The following SMG9 variants were observed in gnomAD, a reference collection of about 807,000 sequenced individuals.
SMG9 encodes the protein SMG9 nonsense mediated mRNA decay factor.
Under a neutral mutation model 64.0 loss-of-function variants are expected in SMG9, and 55 were observed. The ratio of observed to expected loss-of-function variants is 0.86; its 90% confidence interval spans 0.69 to 1.08. SMG9 has a LOEUF of 1.08. Ranked by LOEUF, SMG9 falls within the 50% of genes least tolerant of loss-of-function variation. SMG9 has a pLI of 0.00. For synonymous variants in SMG9, 244 were observed against 254.8 expected (o/e 0.96, Z 0.41); for missense variants, 554 against 681.3 (o/e 0.81, Z 2.08).
chr19:43,740,302 C>A, intron 6 of SMG9, 84 bp from the exon 7 acceptor site: 1 of 1,006,816 alleles, frequency 9.9e-7, no homozygotes, highest in Non-Finnish European at 1.6e-6. Flanking sequence ...GTGAGCTGAG[C>A]ATGTGAGCCG....
rs182402549 is a variant in SMG9, at chr19:43,749,478, C to T, written c.150+1114G>A. ...TCAAGGATTAAACCTGAAGGTGTGG[C>T]GGGATAACATTCCCCAGGAGGGCAT... On this transcript the variant is annotated intron_variant, in intron 2 of 13. Transcript: ENST00000270066. Among the ~76,000 whole-genome samples, 9 of 152,198 alleles carry T rather than the reference C, an allele frequency of 5.9e-5. No homozygotes were observed. In the East Asian group the frequency reaches 1.2e-3, roughly 20 times the overall value.
intron 9 of SMG9, among the ~76,000 whole-genome samples, chr19:43,736,465 G>A (rs1968669491): frequency 6.6e-6 from 1 of 152,158 alleles, no homozygotes; most frequent in Admixed American, 6.5e-5. Context: ...AGCCCTTGTG[G>A]CCATAGGTTC....
At chr19:43,745,510 C>CTGAA (rs1968971729) in intron 5 of SMG9, among the ~76,000 whole-genome samples, 2 of 152,214 alleles carry the variant, frequency 1.3e-5, no homozygotes, top group South Asian at 4.1e-4. Flanking sequence ...CAGCTACGTT[C>CTGAA]TGAACTGTGG....
intron 5 of SMG9, among the ~76,000 whole-genome samples, chr19:43,746,743 G>A (rs1969022774): frequency 6.6e-6 from 1 of 151,816 alleles, no homozygotes. Context: ...AGCAGGGGGT[G>A]GTGGGATGGA....
Position 43,729,467 on chromosome 19 carries a change from G to A in SMG9, c.*2129C>T, listed in dbSNP as rs569384659. 22 of 152,434 alleles carry A rather than the reference G, an allele frequency of 1.4e-4. No individual in the cohort carries two copies. Among genetic ancestry groups the A allele is most frequent in the Admixed American group, 1.2e-3 (19 of 15,294 alleles). The allele number at this position is 152,434 out of a possible 1,614,324, so 9.4% of individuals were successfully genotyped here. A position where few individuals can be genotyped will look rare whatever the true frequency, so the allele number is the denominator to read the frequency against. Reference sequence around the variant, plus strand: ...CAGCAGGAGGTGGTAGGTTAGGGCTGGGAGGGCACAGTTCTCTCTGTCCCC... The same window carrying A: ...CAGCAGGAGGTGGTAGGTTAGGGCTAGGAGGGCACAGTTCTCTCTGTCCCC... On this transcript the variant is annotated 3_prime_UTR_variant, in exon 14 of 14. Transcript: ENST00000270066.
intron 5 of SMG9, among the ~76,000 whole-genome samples, chr19:43,745,859 G>C (rs1323490004): frequency 2.0e-5 from 3 of 152,160 alleles, no homozygotes; most frequent in African/African-American, 4.8e-5. Context: ...AAATTAGTTG[G>C]GTGTGGTGGT....
chr19:43,752,459 T>G (rs1310170149), intron 1 of SMG9, among the ~76,000 whole-genome samples: 1 of 152,268 alleles, frequency 6.6e-6, no homozygotes, highest in Non-Finnish European at 1.5e-5. Context: ...TTTCTGTTTT[T>G]GTAAATAGAA....
chr19:43,733,723 C>G lies in SMG9; in HGVS notation c.1113G>C (p.Gln371His), dbSNP rs1457331315. Reference protein sequence around the residue: ...TEYYPHLVFLQNKARREDFCP... With the variant: ...TEYYPHLVFLHNKARREDFCP... Reference sequence around the variant, plus strand: ...AGAAGTCCTCTCGGCGAGCTTTGTTCTGCAAGAAGACTGAGGGTGGGAAGA... The same window carrying G: ...AGAAGTCCTCTCGGCGAGCTTTGTTGTGCAAGAAGACTGAGGGTGGGAAGA... Residue 371 changes from glutamine to histidine, a missense_variant, in exon 11 of 14, where the codon CAG becomes CAC. Physicochemically the swap from Gln to His is conservative, Grantham distance 24. Transcript: ENST00000270066. 1.2e-6 allele frequency: 2 copies of G among 1,614,090 alleles called. No individual in the cohort carries two copies. Among genetic ancestry groups the G allele is most frequent in the Admixed American group, 3.3e-5 (2 of 60,016 alleles).
intron 1 of SMG9, among the ~76,000 whole-genome samples, chr19:43,752,912 A>AAAAAAAAAAAAAAAAACAAAAAAAAAG (rs1969233248): frequency 6.6e-6 from 1 of 151,138 alleles, no homozygotes; most frequent in Non-Finnish European, 1.5e-5. Flanking sequence ...TAAAAAAAAA[A>AAAAAAAAAAAAAAAAACAAAAAAAAAG]AAAAGCAGAA....
chr19:43,746,808 G>A (rs766506369), intron 5 of SMG9, among the ~76,000 whole-genome samples: 2 of 148,498 alleles, frequency 1.3e-5, no homozygotes, highest in Middle Eastern at 6.9e-3. Flanking sequence ...AGACAGCGTG[G>A]GCTTCTTGTT....
intron 13 of SMG9, chr19:43,732,632 C>G (rs982041952): frequency 4.7e-5 from 27 of 573,208 alleles, no homozygotes; most frequent in African/African-American, 4.5e-4. Flanking sequence ...TGACAAGGAC[C>G]TACATGATGC....
chr19:43,751,469 G>C (rs965731157), intron 1 of SMG9, among the ~76,000 whole-genome samples: 1 of 152,232 alleles, frequency 6.6e-6, no homozygotes, highest in Non-Finnish European at 1.5e-5. Flanking sequence ...CTCTGGGCCT[G>C]TGGTAGCAAC....
intron 1 of SMG9, among the ~76,000 whole-genome samples, chr19:43,753,851 G>A (rs1322068310): frequency 6.6e-6 from 1 of 150,438 alleles, no homozygotes; most frequent in East Asian, 2.0e-4. Context: ...AGGTGTGGAG[G>A]ATACAGTGAG....
At chr19:43,753,401 T>C (rs1327045008) in intron 1 of SMG9, among the ~76,000 whole-genome samples, 1 of 151,922 alleles carries the variant, frequency 6.6e-6, no homozygotes, top group Non-Finnish European at 1.5e-5. Flanking sequence ...TTCTGTTTAC[T>C]GGCCTATGAG....
intron 9 of SMG9, chr19:43,734,900 T>C (rs1968607874): frequency 6.2e-6 from 1 of 161,388 alleles, no homozygotes; most frequent in East Asian, 1.7e-4. Context: ...TCACCCAAAA[T>C]CCCTAGTTTA....
chr19:43,744,962 C>CTT, intron 5 of SMG9, 78 bp from the exon 6 acceptor site: 1 of 1,061,438 alleles, frequency 9.4e-7, no homozygotes, highest in Non-Finnish European at 1.4e-6. Flanking sequence ...TCCAGAGACC[C>CTT]TTGTGGCTCC....
chr19:43,736,603 C>G (rs1363387775), intron 9 of SMG9, among the ~76,000 whole-genome samples: 1 of 152,198 alleles, frequency 6.6e-6, no homozygotes, highest in Non-Finnish European at 1.5e-5. Flanking sequence ...CAGCAAAACT[C>G]CACGGATCAG....
intron 2 of SMG9, 149 bp from the exon 3 acceptor site, chr19:43,748,201 T>C: frequency 1.0e-6 from 1 of 1,000,898 alleles, no homozygotes; most frequent in South Asian, 1.9e-5. Context: ...TTACCCCCAC[T>C]TTACAGATGA....
Position 43,747,831 on chromosome 19 carries a change from T to C in SMG9, c.292A>G (p.Ile98Val), listed in dbSNP as rs1361153044. The C allele has an allele frequency of 3.0e-5, 48 of 1,605,770 alleles. No homozygotes were observed. The highest frequency in any genetic ancestry group is 3.9e-5 in the Non-Finnish European group (46 of 1,175,544). Residue 98 changes from isoleucine (I) to valine (V), a missense_variant, in exon 4 of 14, where the codon ATC (isoleucine) becomes GTC (valine). Transcript: ENST00000270066. ...PPAPAPLEKP[I>V]VLMKPREEGK... ...TCCTCCCGTGGCTTCATGAGAACGA[T>C]GGGCTTCTCCAGAGGGGCTGGAGCA...
Sources: allele counts gnomAD v4.1 joint callset (sites outside exome capture counted in the v4.1 genomes callset), GRCh38; gene constraint gnomAD v4.1.1; transcripts MANE v1.5; gene names NCBI Gene and HGNC (gene_info 2026-07-23, HGNC 2026-07-21).